Variants in PRDM7 observed in about 807,000 individuals in gnomAD.
PRDM7 encodes PR/SET domain 7.
A neutral mutation model predicts 64.3 loss-of-function variants in PRDM7; 52 were observed. The observed-to-expected ratio is 0.81, with a 90% CI of 0.65 to 1.02. PRDM7 has a LOEUF of 1.02. Among genes scored for constraint, PRDM7 ranks in the 50% least tolerant of loss-of-function variants. PRDM7 has a pLI of 0.00. For synonymous variants in PRDM7, 192 were observed against 210.1 expected (o/e 0.91, Z 0.74); for missense variants, 574 against 597.1 (o/e 0.96, Z 0.40).
chr16:90,074,953 T>C lies in PRDM7; in HGVS notation c.264A>G (p.Thr88=), dbSNP rs2038014686. The change falls in exon 4 of 11, where the codon ACA becomes ACG. Residue 88 remains threonine (T), a synonymous_variant. Coordinates refer to ENST00000449207, the MANE Select transcript of PRDM7 (RefSeq NM_001098173.2). ...GTGTCCATTCTTCATCGGAATCTTCTGTGTCATCCACCTGGAGTTTGATGG... is the reference window on the plus strand; with the variant it reads ...GTGTCCATTCTTCATCGGAATCTTCCGTGTCATCCACCTGGAGTTTGATGG... ...RQAIKLQVDD[T]EDSDEEWTPR... The C allele has an allele frequency of 6.2e-7, 1 of 1,614,176 alleles. No homozygotes were observed. Among genetic ancestry groups the C allele is most frequent in the Non-Finnish European group, 8.5e-7 (1 of 1,180,020 alleles).
At chr16:90,061,321 C>T (rs1043156363) in intron 9 of PRDM7, 131 bp downstream of exon 9, 2 of 884,502 alleles carry the variant, frequency 2.3e-6, no homozygotes, top group Non-Finnish European at 3.5e-6. Context: ...TGGTATAAAA[C>T]AGCATTGTAT....
chr16:90,064,406 TG>T lies in PRDM7; in HGVS notation c.352-639del, dbSNP rs199504803. On this transcript the variant is annotated intron_variant, in intron 5 of 10. Coordinates refer to ENST00000449207, the MANE Select transcript of PRDM7 (RefSeq NM_001098173.2). Reference sequence around the variant, plus strand: ...ATCCAGAAGTTGGCATACATGGTTTTGTTTTGTTTTGTTTTGTTTTGTTTTG... The same window carrying T: ...ATCCAGAAGTTGGCATACATGGTTTTTTTTGTTTTGTTTTGTTTTGTTTTG... 3.1e-4 allele frequency among the ~76,000 whole-genome samples: 32 copies of T among 103,226 alleles called. No homozygotes were observed. The East Asian group carries it at 0.044, about 143-fold the overall frequency. The allele number at this position is 103,226 out of a possible 152,430, so 67.7% of individuals were successfully genotyped here.
rs1264589704 is a variant in PRDM7 at position 90,062,057 on chromosome 16, C to T, written c.746G>A (p.Gly249Glu). 6.2e-7 allele frequency: 1 copy of T among 1,614,140 alleles called. No homozygotes were observed. Among genetic ancestry groups the T allele is most frequent in the African/African-American group, 1.3e-5 (1 of 74,950 alleles). ...CCCAGCCTGAGGGATGCCTGATGGC[C>T]CAATTCTCAGCCCCGGGGGCAGACT... ...ALSLPPGLRI[G>E]PSGIPQAGLG... Residue 249 changes from glycine to glutamate, a missense_variant, in exon 8 of 11, where the codon GGG (glycine) becomes GAG (glutamate). Gly to Glu is a moderately conservative substitution (Grantham distance 98, BLOSUM62 -2). Transcript: ENST00000449207.
In PRDM7 at chr16:90,075,303, C is replaced by T. The variant is rs2038019853; in HGVS notation, c.193+48G>A. On this transcript the variant is annotated intron_variant, in intron 3 of 10. Transcript: ENST00000449207. This position sits in a 1 kb window ranked among gnomAD's most constrained non-coding sequence, Gnocchi z 4.3. ...ATTAAAATAATATAGGGACCAAAGACCTGTTTTATATCGCCCAGGCTGGTC... is the reference window on the plus strand; with the variant it reads ...ATTAAAATAATATAGGGACCAAAGATCTGTTTTATATCGCCCAGGCTGGTC... The T allele has an allele frequency of 1.2e-6, 2 of 1,613,856 alleles. No individual in the cohort carries two copies. The highest frequency in any genetic ancestry group is 1.7e-5 in the Admixed American group (1 of 60,024).
Position 90,058,155 on chromosome 16 carries a change from G to A in PRDM7, c.*134C>T. On this transcript the variant is annotated 3_prime_UTR_variant, in exon 11 of 11. Coordinates refer to ENST00000449207, the MANE Select transcript of PRDM7 (RefSeq NM_001098173.2). ...CTACCCCCACAAATAATTTGCCTGT[G>A]TTCCCTGGATTCACTTTCTGGCCTG... 6.2e-7 allele frequency: 1 copy of A among 1,614,200 alleles called. No homozygotes were observed. The highest frequency in any genetic ancestry group is 8.5e-7 in the Non-Finnish European group (1 of 1,180,034).
intron 4 of PRDM7, among the ~76,000 whole-genome samples, chr16:90,067,261 T>A (rs953735141): frequency 2.0e-5 from 3 of 151,066 alleles, no homozygotes; most frequent in African/African-American, 7.4e-5. Flanking sequence ...CCACTATGCT[T>A]GGCCTAACTC....
chr16:90,060,324 G>A lies in PRDM7; in HGVS notation c.1233+17C>T. 6.2e-7 allele frequency: 1 copy of A among 1,613,890 alleles called. No individual in the cohort carries two copies. Among genetic ancestry groups the A allele is most frequent in the East Asian group, 2.2e-5 (1 of 44,890 alleles). ...CTTTCTTTCCTGTCCTTTTAAAAGA[G>A]TAATAGTGATGCCTACCTCTCCCTG... On this transcript the variant is annotated intron_variant, in intron 10 of 10. Coordinates refer to ENST00000449207, the MANE Select transcript of PRDM7 (RefSeq NM_001098173.2).
rs140929867 is a variant in PRDM7, at chr16:90,072,011, A to G, written c.301+2905T>C. On this transcript the variant is annotated intron_variant, in intron 4 of 10. Coordinates refer to ENST00000449207, the MANE Select transcript of PRDM7 (RefSeq NM_001098173.2). The stretch of plus-strand genomic sequence containing the variant: ...ATCGAGCCCATGAGGCAGGCGGATC[A>G]TGAGGTCAGGAGATCGAGACCATCC... 2.4e-3 allele frequency among the ~76,000 whole-genome samples: 364 copies of G among 152,226 alleles called. 2 individuals are homozygous for G. The highest frequency in any genetic ancestry group is 7.4e-3 in the African/African-American group (309 of 41,512).
chr16:90,063,317 A>G (rs2151307378), intron 6 of PRDM7, among the ~76,000 whole-genome samples: 1 of 152,182 alleles, frequency 6.6e-6, no homozygotes, highest in East Asian at 1.9e-4. Flanking sequence ...GCACACCTAT[A>G]ATCCCAGCTA....
chr16:90,066,553 T>C (rs2037875691), intron 5 of PRDM7, among the ~76,000 whole-genome samples: 1 of 151,190 alleles, frequency 6.6e-6, no homozygotes, highest in Non-Finnish European at 1.5e-5. Flanking sequence ...TCCTAACCTG[T>C]AAAATGGCTA....
intron 4 of PRDM7, among the ~76,000 whole-genome samples, chr16:90,072,732 C>T (rs2151313111): frequency 6.6e-6 from 1 of 152,182 alleles, no homozygotes; most frequent in Middle Eastern, 3.4e-3. Context: ...TGTTTGATTT[C>T]CACAATAAAA....
chr16:90,069,986 G>A (rs2037933096), intron 4 of PRDM7: 1 of 162,014 alleles, frequency 6.2e-6, no homozygotes, highest in Non-Finnish European at 1.4e-5. Flanking sequence ...ACCTGGGATG[G>A]GGAGGTGGTA....
Position 90,074,538 on chromosome 16 carries a change from T to C in PRDM7, c.301+378A>G, listed in dbSNP as rs527820391. Among the ~76,000 whole-genome samples, 6 of 152,040 alleles carry C rather than the reference T, an allele frequency of 3.9e-5. No individual in the cohort carries two copies. In the South Asian group the frequency reaches 1.2e-3, roughly 32 times the overall value. ...CTGCAGTGAGCCGAGATTCTACCAC[T>C]GTACTCCAGCCTGGATGACAGAGCA... On this transcript the variant is annotated intron_variant, in intron 4 of 10. Coordinates refer to ENST00000449207, the MANE Select transcript of PRDM7 (RefSeq NM_001098173.2).
chr16:90,062,355 C>T (rs1315903729), intron 7 of PRDM7, 46 bp downstream of exon 7: 3 of 1,613,606 alleles, frequency 1.9e-6, no homozygotes, highest in Admixed American at 1.7e-5. Context: ...ATTATTGTAC[C>T]AGGACATAAC....
chr16:90,057,862 G>A lies in PRDM7; in HGVS notation c.*427C>T, dbSNP rs2037707314. 14 of 1,506,714 alleles carry A rather than the reference G, an allele frequency of 9.3e-6. No homozygotes were observed. In the South Asian group the frequency reaches 1.3e-4, roughly 14 times the overall value. The allele number at this position is 1,506,714 out of a possible 1,614,324, so 93.3% of individuals were successfully genotyped here. On this transcript the variant is annotated 3_prime_UTR_variant, in exon 11 of 11. Coordinates refer to ENST00000449207, the MANE Select transcript of PRDM7 (RefSeq NM_001098173.2). ...CTTACTCATCCTTCCTGCAGACTGGGGCGTCTCCCCTGTGTGTCCTCTGGT... is the reference window on the plus strand; with the variant it reads ...CTTACTCATCCTTCCTGCAGACTGGAGCGTCTCCCCTGTGTGTCCTCTGGT...
In PRDM7 at chr16:90,076,011, G is replaced by T. The variant is rs931621600; in HGVS notation, c.-85-16C>A. On this transcript the variant is annotated splice_polypyrimidine_tract_variant and intron_variant, in intron 1 of 10. Transcript: ENST00000449207. ...CCAAAGGCTCCTGTGGAAGGAGAAG[G>T]TGCTGAGATGGGGCAACAGCCCTGA... The T allele has an allele frequency of 2.9e-6, 4 of 1,358,854 alleles. No individual in the cohort carries two copies. In the African/African-American group the frequency reaches 4.4e-5, roughly 15 times the overall value. 84.2% of individuals were successfully genotyped at this position (1,358,854 alleles called of 1,614,324 possible). A position where few individuals can be genotyped will look rare whatever the true frequency, so the allele number is the denominator to read the frequency against.
Position 90,059,962 on chromosome 16 carries a change from G to T in PRDM7, c.1233+379C>A, listed in dbSNP as rs574677420. 1.0e-3 allele frequency among the ~76,000 whole-genome samples: 157 copies of T among 152,296 alleles called. 1 individual carries two copies. Among genetic ancestry groups the T allele is most frequent in the African/African-American group, 3.7e-3 (153 of 41,554 alleles). ...AGGAACTCACATGACAGCTAATTGA[G>T]ATAATGAATGAATGAATAACAACAT... On this transcript the variant is annotated intron_variant, in intron 10 of 10. Transcript: ENST00000449207.
At chr16:90,073,516 C>G (rs1422877195) in intron 4 of PRDM7, among the ~76,000 whole-genome samples, 1 of 151,920 alleles carries the variant, frequency 6.6e-6, no homozygotes, top group East Asian at 1.9e-4. Context: ...TCTCCTGCCT[C>G]AGCCTCCTGA....
chr16:90,068,235 T>C (rs1355878290), intron 4 of PRDM7, among the ~76,000 whole-genome samples: 1 of 150,236 alleles, frequency 6.7e-6, no homozygotes, highest in Admixed American at 6.6e-5. Flanking sequence ...ACCGAGATCA[T>C]GCTACTGCAC....
Sources: allele counts gnomAD v4.1 joint callset (sites outside exome capture counted in the v4.1 genomes callset), GRCh38; gene constraint gnomAD v4.1.1; non-coding constraint Gnocchi (gnomAD v3.1); transcripts MANE v1.5; gene names NCBI Gene and HGNC (gene_info 2026-07-23, HGNC 2026-07-21).